The following PTGES3 variants were observed in gnomAD, a reference collection of about 807,000 sequenced individuals.
The protein encoded by PTGES3 is prostaglandin E synthase 3.
In PTGES3, 5 loss-of-function variants were observed where a neutral mutation model predicts 29.9. The observed-to-expected ratio is 0.17, with a 90% CI of 0.09 to 0.35. The LOEUF (loss-of-function observed/expected upper bound fraction) is 0.35, where lower values mean the gene tolerates loss of function less well. Among genes scored for constraint, PTGES3 ranks in the 10% least tolerant of loss-of-function variants. PTGES3 has a pLI of 1.00. For missense variants in PTGES3, 128 were observed against 190.0 expected (o/e 0.67, Z 1.92); for synonymous variants, 49 against 57.8 (o/e 0.85, Z 0.69).
intron 1 of PTGES3, among the ~76,000 whole-genome samples, chr12:56,684,003 TG>T (rs1401012908): frequency 6.7e-6 from 1 of 148,182 alleles, no homozygotes; most frequent in African/African-American, 2.5e-5. Flanking sequence ...ACCCCAAAAC[TG>T]TAATTGCCGA....
chr12:56,669,229 T>TCAA (rs1951903211), intron 5 of PTGES3, among the ~76,000 whole-genome samples: 1 of 152,002 alleles, frequency 6.6e-6, no homozygotes, highest in African/African-American at 2.4e-5. Context: ...CGTTTTGCTC[T>TCAA]TGTTGCCCAG....
Position 56,688,020 on chromosome 12 carries a change from G to T in PTGES3, c.-21C>A. 1.3e-6 allele frequency: 2 copies of T among 1,530,854 alleles called. No individual in the cohort carries two copies. The highest frequency in any genetic ancestry group is 1.8e-4 in the Middle Eastern group (1 of 5,478). 94.8% of individuals were successfully genotyped at this position (1,530,854 alleles called of 1,614,324 possible). On this transcript the variant is annotated 5_prime_UTR_variant, in exon 1 of 8. Coordinates refer to ENST00000262033, the MANE Select transcript of PTGES3 (RefSeq NM_006601.7). ...CACATTGTGAACGGGGCAGGGGGAC[G>T]GGCGAACTGGTGGGCGGGCCTCTCT... is the stretch of plus-strand genomic sequence containing the variant.
chr12:56,685,399 C>CT (rs143526249), intron 1 of PTGES3, among the ~76,000 whole-genome samples: 10,380 of 130,802 alleles, frequency 0.079, 424 homozygotes, highest in East Asian at 0.2. Context: ...TTTTTCTTTT[C>CT]TTTTTTTTTT....
At chr12:56,668,415 G>T (rs1477316622) in intron 5 of PTGES3, among the ~76,000 whole-genome samples, 1 of 152,126 alleles carries the variant, frequency 6.6e-6, no homozygotes, top group Non-Finnish European at 1.5e-5. Flanking sequence ...AACAAAGATA[G>T]CAAAATAAAA....
intron 1 of PTGES3, among the ~76,000 whole-genome samples, chr12:56,681,164 C>T (rs1952519756): frequency 6.6e-6 from 1 of 152,056 alleles, no homozygotes; most frequent in African/African-American, 2.4e-5. Flanking sequence ...TCTCGTGAAC[C>T]CCAATCCTAT....
intron 1 of PTGES3, chr12:56,687,126 G>A (rs1012053753): frequency 3.7e-6 from 3 of 809,728 alleles, no homozygotes; most frequent in South Asian, 6.4e-5. Context: ...GTAAAATGAA[G>A]ACTGCCATAG....
At chr12:56,681,981 G>A (rs1466745616) in intron 1 of PTGES3, among the ~76,000 whole-genome samples, 1 of 152,036 alleles carries the variant, frequency 6.6e-6, no homozygotes. Context: ...CAAGTAGCTG[G>A]GATTACAGGC....
intron 1 of PTGES3, among the ~76,000 whole-genome samples, chr12:56,680,263 G>A (rs527778766): frequency 7.6e-4 from 116 of 151,974 alleles, no homozygotes; most frequent in African/African-American, 2.6e-3. Context: ...TTTTAGTAGA[G>A]ATGAGGTTTT....
intron 1 of PTGES3, among the ~76,000 whole-genome samples, chr12:56,684,675 G>A (rs998220404): frequency 1.3e-5 from 2 of 151,950 alleles, no homozygotes; most frequent in African/African-American, 2.4e-5. Flanking sequence ...ATTTTTAATC[G>A]GTCGAACGAC....
In PTGES3 at chr12:56,666,286, T is replaced by TA; in HGVS notation, c.376-21dup. The TA allele has an allele frequency of 4.4e-6, 7 of 1,598,396 alleles. No individual in the cohort carries two copies. Among genetic ancestry groups the TA allele is most frequent in the Non-Finnish European group, 6.0e-6 (7 of 1,170,080 alleles). On this transcript the variant is annotated intron_variant, in intron 5 of 7. Coordinates refer to ENST00000262033, the MANE Select transcript of PTGES3 (RefSeq NM_006601.7). Reference sequence around the variant, plus strand: ...CATCATCTATTTGAAGTGTAAAAATTAGTTTTAAAAATGATGTTAAGTTAG... The same window carrying TA: ...CATCATCTATTTGAAGTGTAAAAATTAAGTTTTAAAAATGATGTTAAGTTAG...
At chr12:56,676,229 C>G (rs1467605224) in intron 1 of PTGES3, among the ~76,000 whole-genome samples, 1 of 68,870 alleles carries the variant, frequency 1.5e-5, no homozygotes, top group African/African-American at 8.1e-5. Context: ...GTGTCTCCCC[C>G]CCCAAAAAAA....
intron 6 of PTGES3, chr12:56,665,284 CTTTT>C (rs59007550): frequency 9.5e-3 from 7,522 of 790,706 alleles, no homozygotes; most frequent in South Asian, 0.012. Flanking sequence ...CAATGTCCAT[CTTTT>C]TTTTTTTTTT....
At chr12:56,687,238 G>C in intron 1 of PTGES3, 1 of 1,022,176 alleles carries the variant, frequency 9.8e-7, no homozygotes, top group Non-Finnish European at 1.2e-6. Flanking sequence ...TAACAAGATA[G>C]TGAAACCTCA....
chr12:56,672,654 G>C (rs942532589), intron 3 of PTGES3, 86 bp downstream of exon 3: 1 of 1,397,414 alleles, frequency 7.2e-7, no homozygotes, highest in African/African-American at 1.4e-5. Context: ...AAGAAAAACA[G>C]AACTAATGCT....
intron 5 of PTGES3, among the ~76,000 whole-genome samples, chr12:56,669,508 C>A (rs1951918158): frequency 6.6e-6 from 1 of 152,222 alleles, no homozygotes; most frequent in African/African-American, 2.4e-5. Context: ...GTCTTGAACT[C>A]CTGACCTCAG....
At chr12:56,671,224 C>A (rs1394410002) in intron 4 of PTGES3, among the ~76,000 whole-genome samples, 4 of 152,082 alleles carry the variant, frequency 2.6e-5, no homozygotes, top group Non-Finnish European at 5.9e-5. Flanking sequence ...CACTGTGATA[C>A]CCCTTTCTAC....
intron 1 of PTGES3, chr12:56,686,727 C>T (rs1038675616): frequency 7.6e-6 from 3 of 394,690 alleles, no homozygotes; most frequent in Non-Finnish European, 4.5e-6. Context: ...GGGGAGGGGG[C>T]TCCTTCAAAA....
intron 6 of PTGES3, chr12:56,665,427 T>C (rs961514378): frequency 1.1e-6 from 1 of 870,420 alleles, no homozygotes; most frequent in Non-Finnish European, 1.4e-6. Flanking sequence ...CCCAAGTAGC[T>C]GGGATTACAG....
chr12:56,677,382 A>G (rs142798003), intron 1 of PTGES3, among the ~76,000 whole-genome samples: 12 of 152,278 alleles, frequency 7.9e-5, no homozygotes, highest in African/African-American at 2.9e-4. Flanking sequence ...CCTGGTATAT[A>G]GTGCCCTTGG....
Sources: allele counts gnomAD v4.1 joint callset (sites outside exome capture counted in the v4.1 genomes callset), GRCh38; gene constraint gnomAD v4.1.1; transcripts MANE v1.5; gene names NCBI Gene and HGNC (gene_info 2026-07-23, HGNC 2026-07-21).